ERC2: variants seen among roughly 807,000 people sequenced by gnomAD.
ERC2 encodes ELKS/RAB6-interacting/CAST family member 2, also known as ERC protein 2.
Under a neutral mutation model 114.8 loss-of-function variants are expected in ERC2, and 42 were observed. That is an observed-to-expected ratio of 0.37 (90% CI 0.29 to 0.47). ERC2 has a LOEUF of 0.47. Ranked by LOEUF, ERC2 falls within the 20% of genes least tolerant of loss-of-function variation. ERC2 has a pLI of 0.99. For missense variants in ERC2, 939 were observed against 1,150.7 expected (o/e 0.82, Z 2.66); for synonymous variants, 454 against 425.5 (o/e 1.07, Z -0.82).
chr3:56,160,371 T>C (rs1435418452), intron 4 of ERC2, among the ~76,000 whole-genome samples: 2 of 152,218 alleles, frequency 1.3e-5, no homozygotes, highest in African/African-American at 4.8e-5. Flanking sequence ...AGATTCTGGA[T>C]ATTAGATCTT....
chr3:56,261,540 G>A (rs2052930006), intron 3 of ERC2, among the ~76,000 whole-genome samples: 1 of 152,088 alleles, frequency 6.6e-6, no homozygotes, highest in African/African-American at 2.4e-5. Flanking sequence ...ACTCTCCTCT[G>A]GACTCATCCT....
At chr3:56,275,840 G>A (rs1460323566) in intron 3 of ERC2, among the ~76,000 whole-genome samples, 1 of 152,170 alleles carries the variant, frequency 6.6e-6, no homozygotes, top group Non-Finnish European at 1.5e-5. Context: ...TGACTTGGGG[G>A]AGTAATGCTA....
chr3:55,753,295 C>A (rs1575489893), intron 14 of ERC2, among the ~76,000 whole-genome samples: 1 of 152,144 alleles, frequency 6.6e-6, no homozygotes, highest in Admixed American at 6.5e-5. Flanking sequence ...GAAAGACAGT[C>A]ATCCAATTTT....
At chr3:55,556,026 T>C (rs2055583058) in intron 17 of ERC2, among the ~76,000 whole-genome samples, 1 of 152,194 alleles carries the variant, frequency 6.6e-6, no homozygotes, top group African/African-American at 2.4e-5. Flanking sequence ...TACACTGGGC[T>C]GTGGAAACTC....
At chr3:55,560,300 T>C (rs1034966150) in intron 17 of ERC2, among the ~76,000 whole-genome samples, 2 of 152,192 alleles carry the variant, frequency 1.3e-5, no homozygotes, top group Non-Finnish European at 2.9e-5. Context: ...TTGCCCCTAG[T>C]ATAAGGCTAT....
intron 4 of ERC2, among the ~76,000 whole-genome samples, chr3:56,168,986 CACTCAAGAGGAACA>C (rs2082472640): frequency 6.6e-6 from 1 of 152,160 alleles, no homozygotes. Flanking sequence ...GGACAAATGT[CACTCAAGAGGAACA>C]ACTCAAGGCA....
intron 4 of ERC2, among the ~76,000 whole-genome samples, chr3:56,159,384 G>A (rs554752463): frequency 6.6e-6 from 1 of 152,240 alleles, no homozygotes; most frequent in East Asian, 1.9e-4. Context: ...CAACATTTTA[G>A]TACATTTTCC....
chr3:55,956,354 CCA>C lies in ERC2; in HGVS notation c.2268-5796_2268-5795del, dbSNP rs563425553. Among the ~76,000 whole-genome samples, 512 of 152,140 alleles carry C rather than the reference CCA, an allele frequency of 3.4e-3. 2 individuals are homozygous for C. The highest frequency in any genetic ancestry group is 0.012 in the African/African-American group (497 of 41,492). On this transcript the variant is annotated intron_variant, in intron 12 of 17. Transcript: ENST00000288221. ...TGAAATGACTGCTCAAGTAGATGGG[CCA>C]CACACACACGACAGAAGCTGACAAT...
chr3:55,920,909 T>C (rs921832725), intron 13 of ERC2, among the ~76,000 whole-genome samples: 5 of 151,770 alleles, frequency 3.3e-5, no homozygotes, highest in Admixed American at 6.6e-5. Context: ...AGGGGCAGAG[T>C]GAGTGACATG....
chr3:55,736,321 G>A (rs775068754), intron 14 of ERC2, among the ~76,000 whole-genome samples: 3 of 152,076 alleles, frequency 2.0e-5, no homozygotes, highest in Non-Finnish European at 4.4e-5. Flanking sequence ...TTAGGCTCCA[G>A]CACATTTCGT....
intron 3 of ERC2, among the ~76,000 whole-genome samples, chr3:56,199,992 A>C (rs1036561124): frequency 6.6e-6 from 1 of 152,162 alleles, no homozygotes; most frequent in African/African-American, 2.4e-5. Context: ...AGTCTTTAGG[A>C]CATGGTTATA....
At chr3:56,036,299 G>A (rs979987553) in intron 7 of ERC2, among the ~76,000 whole-genome samples, 14 of 152,120 alleles carry the variant, frequency 9.2e-5, no homozygotes, top group South Asian at 2.1e-4. Context: ...TCAGGGACAC[G>A]ACAAGGATGC....
intron 6 of ERC2, among the ~76,000 whole-genome samples, chr3:56,082,213 G>A (rs2077269503): frequency 6.6e-6 from 1 of 152,098 alleles, no homozygotes; most frequent in Non-Finnish European, 1.5e-5. Flanking sequence ...ATATTAAAAG[G>A]TGGGGCCTTT....
At chr3:55,728,142 C>T (rs186004221) in intron 15 of ERC2, among the ~76,000 whole-genome samples, 11 of 152,190 alleles carry the variant, frequency 7.2e-5, no homozygotes, top group Non-Finnish European at 1.6e-4. Context: ...TGCTGAATGC[C>T]TACTAGCATT....
At chr3:55,932,974 C>A (rs774442895) in intron 13 of ERC2, among the ~76,000 whole-genome samples, 7 of 152,168 alleles carry the variant, frequency 4.6e-5, no homozygotes, top group Admixed American at 1.3e-4. Context: ...TTTCGGAGGC[C>A]AAGGTGGGTG....
At chr3:55,781,029 G>A (rs2068996347) in intron 14 of ERC2, among the ~76,000 whole-genome samples, 1 of 152,244 alleles carries the variant, frequency 6.6e-6, no homozygotes. Flanking sequence ...GCCTTAGCGT[G>A]TGGTATGTCA....
chr3:55,927,662 T>C (rs1055351112), intron 13 of ERC2, among the ~76,000 whole-genome samples: 3 of 152,178 alleles, frequency 2.0e-5, no homozygotes, highest in African/African-American at 7.2e-5. Context: ...ACTCTAGTCA[T>C]CCTGTCGTGT....
At chr3:55,906,346 G>A (rs1194053294) in intron 13 of ERC2, among the ~76,000 whole-genome samples, 1 of 150,782 alleles carries the variant, frequency 6.6e-6, no homozygotes, top group Non-Finnish European at 1.5e-5. Flanking sequence ...GCAGGAGAAT[G>A]GCGTGAACCC....
intron 15 of ERC2, among the ~76,000 whole-genome samples, chr3:55,712,526 T>C (rs1037349670): frequency 2.1e-4 from 32 of 152,212 alleles, no homozygotes; most frequent in African/African-American, 7.0e-4. Context: ...GTGTTAAGCA[T>C]GCAAATGCCA....
Sources: gnomAD v4.1 joint callset for allele counts (sites outside exome capture counted in the v4.1 genomes callset) on GRCh38, gnomAD v4.1.1 for gene constraint, MANE v1.5 for transcripts, NCBI Gene and HGNC (gene_info 2026-07-23, HGNC 2026-07-21) for gene names.